Variants in CLASRP observed in about 807,000 individuals in gnomAD.
CLASRP encodes CLK4 associating serine/arginine rich protein.
A neutral mutation model predicts 99.9 loss-of-function variants in CLASRP; 52 were observed. The ratio of observed to expected loss-of-function variants is 0.52; its 90% CI spans 0.42 to 0.66. CLASRP has a LOEUF of 0.66. CLASRP is among the 30% of genes least tolerant of loss of function. The pLI is 0.00. For synonymous variants in CLASRP, 379 were observed against 373.0 expected (o/e 1.02, Z -0.18); for missense variants, 848 against 999.2 (o/e 0.85, Z 2.04).
At chr19:45,069,543 C>T in intron 18 of CLASRP, 2 of 559,380 alleles carry the variant, frequency 3.6e-6, no homozygotes. Context: ...GATACCCCTT[C>T]CCCACTCACC....
chr19:45,040,839 A>C lies in CLASRP; in HGVS notation c.99+528A>C, dbSNP rs535458545. The C allele has an allele frequency of 1.3e-4, 20 of 153,620 alleles. No individual in the cohort carries two copies. The South Asian group carries it at 3.5e-3, about 27-fold the overall frequency. The allele number at this position is 153,620 out of a possible 1,614,324, so 9.5% of individuals were successfully genotyped here. A position where few individuals can be genotyped will look rare whatever the true frequency, so the allele number is the denominator to read the frequency against. ...ATTAGCCAGGCTTAGTGGTGTGTGC[A>C]TGTAGTCCCAGCTACTTGGGAGGCT... On this transcript the variant is annotated intron_variant, in intron 2 of 20. Coordinates refer to ENST00000221455, the MANE Select transcript of CLASRP (RefSeq NM_007056.3).
intron 2 of CLASRP, among the ~76,000 whole-genome samples, chr19:45,048,534 GACAA>G (rs1012304327): frequency 1.5e-4 from 22 of 145,130 alleles, no homozygotes; most frequent in African/African-American, 4.8e-4. Flanking sequence ...TCTCAAAACA[GACAA>G]ACAAAAAATT....
At chr19:45,056,379 C>A in intron 5 of CLASRP, 71 bp from the exon 6 acceptor site, 4 of 1,399,304 alleles carry the variant, frequency 2.9e-6, no homozygotes, top group South Asian at 2.3e-5. Context: ...CCCCACCGCA[C>A]CCTTGTGTTC....
chr19:45,061,114 G>A (rs1270902973), intron 10 of CLASRP, among the ~76,000 whole-genome samples: 2 of 152,224 alleles, frequency 1.3e-5, no homozygotes, highest in African/African-American at 4.8e-5. Flanking sequence ...GAGGCAGGCT[G>A]GCTTGGAGAG....
intron 2 of CLASRP, 28 bp from the exon 3 acceptor site, chr19:45,052,043 G>C: frequency 6.3e-7 from 1 of 1,591,318 alleles, no homozygotes; most frequent in African/African-American, 1.3e-5. Context: ...CTGTTGGGTG[G>C]TGACCTCAGT....
At position 45,064,468 on chromosome 19, in the gene CLASRP, G is replaced by A. The variant is rs1203991858; in HGVS notation, c.1247G>A (p.Arg416His). Residue 416 changes from arginine (R) to histidine (H), a missense_variant, in exon 13 of 21, where the codon CGC (arginine) becomes CAC (histidine). Arg to His is a conservative substitution (Grantham distance 29). Coordinates refer to ENST00000221455, the MANE Select transcript of CLASRP (RefSeq NM_007056.3). ...TACTACCGTTCCGGCCGCCACGCCC[G>A]CTCCCGGTCCCGCTCCTGGTCCCGC... is the stretch of plus-strand genomic sequence containing the variant. ...GGYYRSGRHA[R>H]SRSRSWSRSR... 2.0e-6 allele frequency: 3 copies of A among 1,529,318 alleles called. No homozygotes were observed. The highest frequency in any genetic ancestry group is 2.5e-5 in the East Asian group (1 of 40,656). The allele number at this position is 1,529,318 out of a possible 1,614,324, so 94.7% of individuals were successfully genotyped here.
intron 10 of CLASRP, among the ~76,000 whole-genome samples, chr19:45,061,366 G>A (rs1966934968): frequency 6.6e-6 from 1 of 152,064 alleles, no homozygotes; most frequent in African/African-American, 2.4e-5. Flanking sequence ...TGGCCATAGG[G>A]CCTGGGTTTG....
In CLASRP at chr19:45,068,794, C is replaced by T. The variant is rs192967497; in HGVS notation, c.1769-272C>T. Among the ~76,000 whole-genome samples, 13 of 152,102 alleles carry T rather than the reference C, an allele frequency of 8.5e-5. No homozygotes were observed. In the East Asian group the frequency reaches 9.7e-4, roughly 11 times the overall value. On this transcript the variant is annotated intron_variant, in intron 16 of 20. Coordinates refer to ENST00000221455, the MANE Select transcript of CLASRP (RefSeq NM_007056.3). ...TGGGCGGATCACGAGGTCAGGAGAT[C>T]GAGACCATTAACACGGTGAAACCCC...
intron 2 of CLASRP, among the ~76,000 whole-genome samples, chr19:45,048,769 C>T (rs370689420): frequency 6.6e-5 from 10 of 152,126 alleles, no homozygotes; most frequent in African/African-American, 2.4e-4. Flanking sequence ...AGGCGGATCA[C>T]GAGGTCAGGA....
chr19:45,065,904 T>TTAA (rs1366771083), intron 13 of CLASRP, among the ~76,000 whole-genome samples: 21 of 152,184 alleles, frequency 1.4e-4, no homozygotes, highest in Non-Finnish European at 2.9e-4. Flanking sequence ...ATCGTCAGCA[T>TTAA]CATTACCTGC....
chr19:45,056,119 G>A (rs1972114440), intron 5 of CLASRP, among the ~76,000 whole-genome samples: 3 of 152,124 alleles, frequency 2.0e-5, no homozygotes, highest in African/African-American at 4.8e-5. Flanking sequence ...GGTTCTGAAG[G>A]GTCCAGCCAG....
Position 45,070,106 on chromosome 19 carries a change from T to G in CLASRP, c.1957+2T>G. The G allele has an allele frequency of 6.4e-7, 1 of 1,553,196 alleles. No homozygotes were observed. The highest frequency in any genetic ancestry group is 1.1e-5 in the South Asian group (1 of 89,902). On this transcript the variant is annotated splice_donor_variant, in intron 19 of 20. Transcript: ENST00000221455. LOFTEE classifies it high-confidence loss of function. ...GCCGCTCACCCTCCCCCCGATACAG[T>G]GAGTGTCCCCACCAGGCTGCAGGGC... is the stretch of plus-strand genomic sequence containing the variant.
In CLASRP at chr19:45,070,023, G is replaced by T; in HGVS notation, c.1876G>T (p.Glu626Ter). 6.3e-7 allele frequency: 1 copy of T among 1,588,908 alleles called. No individual in the cohort carries two copies. Among genetic ancestry groups the T allele is most frequent in the Non-Finnish European group, 8.6e-7 (1 of 1,157,160 alleles). The change falls in exon 19 of 21, where the codon GAG (glutamate) becomes TAG (stop). Residue 626 changes from glutamate (E) to a stop codon, truncating the protein, a stop_gained and splice_region_variant. Coordinates refer to ENST00000221455, the MANE Select transcript of CLASRP (RefSeq NM_007056.3). LOFTEE classifies it high-confidence loss of function. ...GATGCTCATGCCATGCCTTCGCAGG[G>T]AGCGGGAACGCCGAGAGAAGGAGAG... Reference protein sequence around the residue: ...RAMARKIRMKERERREKEREE... With the variant: ...RAMARKIRMK
Position 45,067,554 on chromosome 19 carries a change from AGGCC to A in CLASRP, c.1633_1636del (p.Ala545ArgfsTer9). On this transcript the variant is annotated frameshift_variant, in exon 14 of 21. Coordinates refer to ENST00000221455, the MANE Select transcript of CLASRP (RefSeq NM_007056.3). LOFTEE classifies it high-confidence loss of function. This position sits in a 1 kb window ranked among gnomAD's most constrained non-coding sequence, Gnocchi z 4.9. ...ATCACCCGCAAGAGAGAAGCTGACC[AGGCC>A]GGCCGCGTCCCCTGCTGTGGGCGAG... 1 of 1,605,282 alleles carries A rather than the reference AGGCC, an allele frequency of 6.2e-7. No homozygotes were observed. The highest frequency in any genetic ancestry group is 8.5e-7 in the Non-Finnish European group (1 of 1,178,624).
intron 5 of CLASRP, 22 bp downstream of exon 5, chr19:45,053,199 G>A (rs1047810234): frequency 1.9e-6 from 3 of 1,611,440 alleles, no homozygotes; most frequent in Non-Finnish European, 2.5e-6. Context: ...GTGGGGGGAC[G>A]TGGGGTGTGG....
chr19:45,043,195 TTGTGTGTGTGTGTGTGTG>T (rs58669276), intron 2 of CLASRP, among the ~76,000 whole-genome samples: 6 of 134,748 alleles, frequency 4.5e-5, no homozygotes, highest in Admixed American at 7.7e-5. Flanking sequence ...AAGGAATACT[TTGTGTGTGTGTGTGTGTG>T]TGTGTGTGTG....
At chr19:45,054,189 G>A (rs532922661) in intron 5 of CLASRP, among the ~76,000 whole-genome samples, 1 of 152,290 alleles carries the variant, frequency 6.6e-6, no homozygotes, top group East Asian at 1.9e-4. Context: ...GGGCTTTTTT[G>A]TCTGTATTAT....
At chr19:45,068,326 C>CA in intron 15 of CLASRP, 94 bp from the exon 16 acceptor site, 3 of 630,494 alleles carry the variant, frequency 4.8e-6, no homozygotes, top group South Asian at 1.9e-5. Flanking sequence ...CCCCCACCCC[C>CA]CCCCCGCACA....
chr19:45,059,169 C>T, intron 7 of CLASRP, 99 bp from the exon 8 acceptor site: 1 of 943,024 alleles, frequency 1.1e-6, no homozygotes, highest in Non-Finnish European at 1.7e-6. Flanking sequence ...ATCCCTCAGT[C>T]TGGCGGGCGC....
Sources: allele counts gnomAD v4.1 joint callset (sites outside exome capture counted in the v4.1 genomes callset), GRCh38; gene constraint gnomAD v4.1.1; non-coding constraint Gnocchi (gnomAD v3.1); transcripts MANE v1.5; gene names NCBI Gene and HGNC (gene_info 2026-07-23, HGNC 2026-07-21).